The following ABHD13 variants were observed in gnomAD, a reference collection of about 807,000 sequenced individuals.
ABHD13 encodes the protein abhydrolase domain containing 13, also known as protein ABHD13.
A neutral mutation model predicts 25.2 loss-of-function variants in ABHD13; 7 were observed. The observed-to-expected ratio is 0.28, with a 90% confidence interval of 0.16 to 0.52. ABHD13 has a LOEUF of 0.52. Among genes scored for constraint, ABHD13 ranks in the 20% least tolerant of loss-of-function variants. The pLI is 0.96. For synonymous variants in ABHD13, 133 were observed against 136.1 expected (o/e 0.98, Z 0.16); for missense variants, 302 against 402.7 (o/e 0.75, Z 2.14).
intron 1 of ABHD13, among the ~76,000 whole-genome samples, chr13:108,221,019 CAT>C (rs1465027509): frequency 6.6e-6 from 1 of 152,188 alleles, no homozygotes; most frequent in Non-Finnish European, 1.5e-5. Flanking sequence ...AATAATCTCT[CAT>C]TTTACTTCTG....
chr13:108,222,750 G>C (rs1156983507), intron 1 of ABHD13, among the ~76,000 whole-genome samples: 1 of 152,168 alleles, frequency 6.6e-6, no homozygotes, highest in Non-Finnish European at 1.5e-5. Flanking sequence ...AATAGCAGTA[G>C]TAAGTTCATT....
rs578195568 is a variant in ABHD13 at position 108,220,457 on chromosome 13, A to C, written c.-21+1798A>C. 4.6e-5 allele frequency among the ~76,000 whole-genome samples: 7 copies of C among 152,338 alleles called. No homozygotes were observed. In the East Asian group the frequency reaches 1.3e-3, roughly 29 times the overall value. ...GGAATCTATTTCTGTTTCTCTGTTT[A>C]ATGTATTACCCAGATTCTGAAATCT... is the stretch of plus-strand genomic sequence containing the variant. On this transcript the variant is annotated intron_variant, in intron 1 of 1. Coordinates refer to ENST00000375898, the MANE Select transcript of ABHD13 (RefSeq NM_032859.3).
In ABHD13 at chr13:108,232,988, C is replaced by T. The variant is rs1055414556; in HGVS notation, c.*2756C>T. ...ATTGGTGAAAGGAAATCATGCAAAA[C>T]ATTTGAATGCAAAGCATTTCTAACA... is the stretch of plus-strand genomic sequence containing the variant. On this transcript the variant is annotated 3_prime_UTR_variant, in exon 2 of 2. Transcript: ENST00000375898. 1 of 166,812 alleles carries T rather than the reference C, an allele frequency of 6.0e-6. No homozygotes were observed. Among genetic ancestry groups the T allele is most frequent in the African/African-American group, 2.4e-5 (1 of 41,424 alleles). 10.3% of individuals were successfully genotyped at this position (166,812 alleles called of 1,614,324 possible).
chr13:108,229,101 C>T lies in ABHD13; in HGVS notation c.-20-98C>T. ...GGACTGTACCTATTACCATATTTAA[C>T]AATTACATGTGGCCTAGTACCATAG... On this transcript the variant is annotated intron_variant, in intron 1 of 1. Coordinates refer to ENST00000375898, the MANE Select transcript of ABHD13 (RefSeq NM_032859.3). The surrounding 1 kb of genome is among the most constrained non-coding windows in gnomAD (Gnocchi z 4.7). 2.3e-6 allele frequency: 2 copies of T among 872,658 alleles called. No individual in the cohort carries two copies. The highest frequency in any genetic ancestry group is 4.5e-5 in the South Asian group (2 of 44,482). The allele number at this position is 872,658 out of a possible 1,614,324, so 54.1% of individuals were successfully genotyped here.
At chr13:108,219,397 A>G (rs1170024744) in intron 1 of ABHD13, among the ~76,000 whole-genome samples, 1 of 152,220 alleles carries the variant, frequency 6.6e-6, no homozygotes, top group Non-Finnish European at 1.5e-5. Context: ...AACTGGATAG[A>G]AAGAGATGAG....
At chr13:108,226,435 T>C (rs573263122) in intron 1 of ABHD13, among the ~76,000 whole-genome samples, 1 of 152,306 alleles carries the variant, frequency 6.6e-6, no homozygotes, top group African/African-American at 2.4e-5. Context: ...TCAGTCCAGA[T>C]GTAGCTCATC....
chr13:108,230,229 A>G lies in ABHD13; in HGVS notation c.1011A>G (p.Ile337Met), dbSNP rs762727631. The G allele has an allele frequency of 2.5e-6, 4 of 1,577,902 alleles. No homozygotes were observed. Among genetic ancestry groups the G allele is most frequent in the Admixed American group, 3.7e-5 (2 of 53,378 alleles). ...AAACTTCATCTAATGTAACAATTAT[A>G]TAATGTTTCCCTTTTTGATTATTGC... ...MAKTSSNVTI[I>M] The change falls in exon 2 of 2, where the codon ATA (isoleucine) becomes ATG (methionine). Residue 337 changes from isoleucine (I) to methionine (M), a missense_variant. Physicochemically the swap from Ile to Met is conservative, Grantham distance 10. Transcript: ENST00000375898.
chr13:108,233,674 G>A lies in ABHD13; in HGVS notation c.*3442G>A, dbSNP rs12585558. The A allele has an allele frequency of 0.019, 3,216 of 166,678 alleles. 136 individuals are homozygous for A. The highest frequency in any genetic ancestry group is 0.11 in the Admixed American group (1,701 of 15,250). The allele number at this position is 166,678 out of a possible 1,614,324, so 10.3% of individuals were successfully genotyped here. A position where few individuals can be genotyped will look rare whatever the true frequency, so the allele number is the denominator to read the frequency against. On this transcript the variant is annotated 3_prime_UTR_variant, in exon 2 of 2. Coordinates refer to ENST00000375898, the MANE Select transcript of ABHD13 (RefSeq NM_032859.3). ...TTTTTAAATTGATAGGGTAGAAAAT[G>A]AAATGTACTTCTGTTTATTCTTAAT...
chr13:108,220,432 G>A (rs1344066112), intron 1 of ABHD13, among the ~76,000 whole-genome samples: 1 of 152,080 alleles, frequency 6.6e-6, no homozygotes, highest in East Asian at 1.9e-4. Context: ...TTATCTCAGG[G>A]GAATCTATTT....
chr13:108,225,704 CA>C lies in ABHD13; in HGVS notation c.-20-3492del, dbSNP rs540300405. The stretch of plus-strand genomic sequence containing the variant: ...TGTAATACCAGATCTGATAACATAG[CA>C]AACAGAAAATTGAGAAATGGGACTG... On this transcript the variant is annotated intron_variant, in intron 1 of 1. Coordinates refer to ENST00000375898, the MANE Select transcript of ABHD13 (RefSeq NM_032859.3). Among the ~76,000 whole-genome samples the C allele has an allele frequency of 1.6e-3, 237 of 152,050 alleles. 1 individual carries two copies. Among genetic ancestry groups the C allele is most frequent in the African/African-American group, 4.9e-3 (203 of 41,474 alleles).
chr13:108,228,539 G>A (rs1348594051), intron 1 of ABHD13, among the ~76,000 whole-genome samples: 2 of 151,064 alleles, frequency 1.3e-5, no homozygotes, highest in Admixed American at 1.3e-4. Flanking sequence ...TTTAAGTTTA[G>A]TATTAAAACT....
At chr13:108,220,225 A>C (rs1350011099) in intron 1 of ABHD13, among the ~76,000 whole-genome samples, 1 of 152,190 alleles carries the variant, frequency 6.6e-6, no homozygotes, top group African/African-American at 2.4e-5. Context: ...CTGACAGTTA[A>C]CTTGGAATGA....
At chr13:108,218,888 T>TCCGCTCA (rs887389167) in intron 1 of ABHD13, among the ~76,000 whole-genome samples, 2 of 152,000 alleles carry the variant, frequency 1.3e-5, no homozygotes, top group Admixed American at 1.3e-4. Flanking sequence ...CCGCCCCGAC[T>TCCGCTCA]CCGCTCACCA....
rs1233599069 is a variant in ABHD13, at chr13:108,231,218, C to T, written c.*986C>T. The T allele has an allele frequency of 6.0e-6, 1 of 166,654 alleles. No individual in the cohort carries two copies. 10.3% of individuals were successfully genotyped at this position (166,654 alleles called of 1,614,324 possible). ...AATCCCAGTACCTAGTTATATCTAA[C>T]CTATCAAAGGCAAGATATCATTTAT... On this transcript the variant is annotated 3_prime_UTR_variant, in exon 2 of 2. Transcript: ENST00000375898.
In ABHD13 at chr13:108,229,805, G is replaced by T. The variant is rs1879757289; in HGVS notation, c.587G>T (p.Gly196Val). The T allele has an allele frequency of 6.2e-7, 1 of 1,613,378 alleles. No individual in the cohort carries two copies. Among genetic ancestry groups the T allele is most frequent in the Non-Finnish European group, 8.5e-7 (1 of 1,179,488 alleles). The change falls in exon 2 of 2, where the codon GGA becomes GTA. Residue 196 changes from glycine to valine, a missense_variant. Gly to Val is a moderately radical substitution (Grantham distance 109). Coordinates refer to ENST00000375898, the MANE Select transcript of ABHD13 (RefSeq NM_032859.3). The surrounding 1 kb of genome is among the most constrained non-coding windows in gnomAD (Gnocchi z 4.7). ...KIFLFGRSLGGAVAIHLASEN... is the reference protein window; with the variant it reads ...KIFLFGRSLGVAVAIHLASEN... The stretch of plus-strand genomic sequence containing the variant: ...TTTCTTTTTGGCCGTTCCTTGGGTG[G>T]AGCAGTGGCTATTCATTTGGCTTCT...
intron 1 of ABHD13, among the ~76,000 whole-genome samples, chr13:108,227,473 A>T (rs12853854): frequency 0.044 from 6,684 of 152,198 alleles, 179 homozygotes; most frequent in East Asian, 0.11. Flanking sequence ...AACTTTTCAA[A>T]GTTCATTAGT....
chr13:108,233,882 C>CT lies in ABHD13; in HGVS notation c.*3656dup, dbSNP rs1429474348. On this transcript the variant is annotated 3_prime_UTR_variant, in exon 2 of 2. Transcript: ENST00000375898. The stretch of plus-strand genomic sequence containing the variant: ...TAAAAATAGGACCATGTATGAGACA[C>CT]TTTTTTACAAAAAGTGCCGTATATA... 1.2e-5 allele frequency: 2 copies of CT among 166,610 alleles called. No individual in the cohort carries two copies. Among genetic ancestry groups the CT allele is most frequent in the African/African-American group, 2.4e-5 (1 of 41,390 alleles). The allele number at this position is 166,610 out of a possible 1,614,324, so 10.3% of individuals were successfully genotyped here.
chr13:108,226,456 A>G (rs962845420), intron 1 of ABHD13, among the ~76,000 whole-genome samples: 2 of 152,098 alleles, frequency 1.3e-5, no homozygotes, highest in African/African-American at 4.8e-5. Flanking sequence ...AGTAGGAGCC[A>G]TTTTTACTAC....
At chr13:108,223,462 T>C (rs911307200) in intron 1 of ABHD13, among the ~76,000 whole-genome samples, 2 of 152,234 alleles carry the variant, frequency 1.3e-5, no homozygotes, top group Non-Finnish European at 2.9e-5. Flanking sequence ...ACACAATGTG[T>C]TAAAAAGATG....
Sources: allele counts gnomAD v4.1 joint callset (sites outside exome capture counted in the v4.1 genomes callset), GRCh38; gene constraint gnomAD v4.1.1; non-coding constraint Gnocchi (gnomAD v3.1); transcripts MANE v1.5; gene names NCBI Gene and HGNC (gene_info 2026-07-23, HGNC 2026-07-21).